Variants in EPS15L1 observed in about 807,000 individuals in gnomAD.
The protein encoded by EPS15L1 is epidermal growth factor receptor pathway substrate 15 like 1, also known as epidermal growth factor receptor substrate 15-like 1.
A neutral mutation model predicts 117.1 loss-of-function variants in EPS15L1; 43 were observed. The observed-to-expected ratio is 0.37, with a 90% CI of 0.29 to 0.47. The LOEUF (loss-of-function observed/expected upper bound fraction) is 0.47. Ranked by LOEUF, EPS15L1 falls within the 20% of genes least tolerant of loss-of-function variation. The pLI, the probability that EPS15L1 is intolerant of heterozygous loss-of-function variation, is 0.99. For synonymous variants in EPS15L1, 459 were observed against 470.5 expected (o/e 0.98, Z 0.32); for missense variants, 981 against 1,164.0 (o/e 0.84, Z 2.29).
At chr19:16,396,434 A>G (rs528309474) in intron 16 of EPS15L1, among the ~76,000 whole-genome samples, 1 of 152,058 alleles carries the variant, frequency 6.6e-6, no homozygotes, top group Non-Finnish European at 1.5e-5. Context: ...GCTAATTTTT[A>G]TATTTTTTGT....
rs144499989 is a variant in EPS15L1, at chr19:16,360,809, C to T, written c.2586+970G>A. ...CTGTGCACGGTAGAGATTATCAAGA[C>T]GGCTCAGAAACAAATCGGGTGCTTT... On this transcript the variant is annotated intron_variant, in intron 23 of 23. Coordinates refer to ENST00000455140, the MANE Select transcript of EPS15L1 (RefSeq NM_001258374.3). 2.2e-4 allele frequency among the ~76,000 whole-genome samples: 34 copies of T among 152,234 alleles called. No homozygotes were observed. In the East Asian group the frequency reaches 6.0e-3, roughly 27 times the overall value.
At chr19:16,368,697 T>C (rs1207181275) in intron 22 of EPS15L1, among the ~76,000 whole-genome samples, 1 of 148,016 alleles carries the variant, frequency 6.8e-6, no homozygotes, top group African/African-American at 2.5e-5. Flanking sequence ...TCACCCTACA[T>C]AACACAGACA....
intron 9 of EPS15L1, among the ~76,000 whole-genome samples, chr19:16,422,246 A>C (rs1017690): frequency 0.13 from 20,517 of 152,156 alleles, 1,443 homozygotes; most frequent in Non-Finnish European, 0.15. Context: ...TGGGTCAACC[A>C]GGGCCCGGTC....
At chr19:16,445,266 T>C (rs1200321276) in intron 1 of EPS15L1, among the ~76,000 whole-genome samples, 2 of 152,114 alleles carry the variant, frequency 1.3e-5, no homozygotes, top group Non-Finnish European at 2.9e-5. Context: ...TGCTAAAGGC[T>C]CATCCGGCTC....
In EPS15L1 at chr19:16,392,375, A is replaced by C; in HGVS notation, c.2032T>G (p.Phe678Val). Residue 678 changes from phenylalanine (F) to valine (V), a missense_variant, in exon 19 of 24, where the codon TTC (phenylalanine) becomes GTC (valine). Phe to Val is a conservative substitution (Grantham distance 50, BLOSUM62 -1). Transcript: ENST00000455140. ...GGGTCATTCTTTGTCTGTTTCTTGA[A>C]GAAGTCGTCAGTGGCAGAGCCACGG... ...PFRGSATDDF[F>V]KKQTKNDPFT... is the part of the protein sequence containing the mutation. The C allele has an allele frequency of 1.9e-6, 3 of 1,614,206 alleles. No individual in the cohort carries two copies. Among genetic ancestry groups the C allele is most frequent in the Non-Finnish European group, 2.5e-6 (3 of 1,180,006 alleles).
At position 16,404,856 on chromosome 19, in the gene EPS15L1, C is replaced by A; in HGVS notation, c.1267-107G>T. 8.2e-7 allele frequency: 1 copy of A among 1,223,096 alleles called. No homozygotes were observed. The highest frequency in any genetic ancestry group is 1.2e-6 in the Non-Finnish European group (1 of 860,994). 75.8% of individuals were successfully genotyped at this position (1,223,096 alleles called of 1,614,324 possible). ...AGTCCAGGGGAAGCCTCCGAAACCA[C>A]CCACTGTGACCGTGCTCAGGGCCAG... On this transcript the variant is annotated intron_variant, in intron 13 of 23. Coordinates refer to ENST00000455140, the MANE Select transcript of EPS15L1 (RefSeq NM_001258374.3). The surrounding 1 kb of genome is among the most constrained non-coding windows in gnomAD (Gnocchi z 4.2).
chr19:16,379,026 G>A (rs139185816), intron 21 of EPS15L1, among the ~76,000 whole-genome samples: 1,703 of 152,274 alleles, frequency 0.011, 15 homozygotes, highest in Non-Finnish European at 0.017. Flanking sequence ...GTTCCTGGCC[G>A]GGCGCACTGG....
intron 13 of EPS15L1, 159 bp downstream of exon 13, chr19:16,413,613 GA>G (rs376439335): frequency 0.014 from 8,347 of 607,334 alleles, no homozygotes; most frequent in East Asian, 0.016. Context: ...AATTCAGCCT[GA>G]AAAAAAAAAA....
intron 16 of EPS15L1, among the ~76,000 whole-genome samples, chr19:16,397,239 A>G (rs8103474): frequency 1 from 151,503 of 151,662 alleles, 75,673 homozygotes; most frequent in Middle Eastern, 1. Context: ...ACAGGCGTGC[A>G]CCACCATGCC....
rs2092650352 is a variant in EPS15L1 at position 16,405,797 on chromosome 19, G to C, written c.1267-1048C>G. 6.6e-6 allele frequency among the ~76,000 whole-genome samples: 1 copy of C among 152,370 alleles called. No homozygotes were observed. Among genetic ancestry groups the C allele is most frequent in the Middle Eastern group, 3.4e-3 (1 of 294 alleles). On this transcript the variant is annotated intron_variant, in intron 13 of 23. Coordinates refer to ENST00000455140, the MANE Select transcript of EPS15L1 (RefSeq NM_001258374.3). The surrounding 1 kb of genome is among the most constrained non-coding windows in gnomAD (Gnocchi z 4.0). ...CACCTCCGGGGATGGGGACACCCAA[G>C]AAGAGGGCAGAGGCTTCTCACCTCC... is the stretch of plus-strand genomic sequence containing the variant.
At position 16,434,468 on chromosome 19, in the gene EPS15L1, T is replaced by C. The variant is rs2092959648; in HGVS notation, c.395A>G (p.Asp132Gly). 2 of 1,613,950 alleles carry C rather than the reference T, an allele frequency of 1.2e-6. No individual in the cohort carries two copies. The highest frequency in any genetic ancestry group is 1.7e-6 in the Non-Finnish European group (2 of 1,179,962). Residue 132 changes from aspartate to glycine, a missense_variant, in exon 7 of 24, where the codon GAT becomes GGT. Asp to Gly is a moderately conservative substitution (Grantham distance 94). Around this residue, in one of 5 missense-constraint regions of EPS15L1, gnomAD observed 52 missense variants for 53.1 expected, o/e 0.98. Coordinates refer to ENST00000455140, the MANE Select transcript of EPS15L1 (RefSeq NM_001258374.3). ...GGGCAAGAGGCTTTCAAAAATCCCATCAAATTTGGCCTTTTCTTCCACCTA... is the reference window on the plus strand; with the variant it reads ...GGGCAAGAGGCTTTCAAAAATCCCACCAAATTTGGCCTTTTCTTCCACCTA... ...AVRVEEKAKF[D>G]GIFESLLPIN...
rs1045965774 is a variant in EPS15L1, at chr19:16,471,787, G to A, written c.33+126C>T. 4 of 179,760 alleles carry A rather than the reference G, an allele frequency of 2.2e-5. No homozygotes were observed. Among genetic ancestry groups the A allele is most frequent in the Non-Finnish European group, 4.5e-5 (4 of 88,474 alleles). 11.1% of individuals were successfully genotyped at this position (179,760 alleles called of 1,614,324 possible). On this transcript the variant is annotated intron_variant, in intron 1 of 23. Coordinates refer to ENST00000455140, the MANE Select transcript of EPS15L1 (RefSeq NM_001258374.3). This position sits in a 1 kb window ranked among gnomAD's most constrained non-coding sequence, Gnocchi z 4.8. ...AGGGCCGCCTGCCCACCCGCCCGCC[G>A]CAAGCCCTTCAGCACGCGCCGCCCC... is the stretch of plus-strand genomic sequence containing the variant.
intron 7 of EPS15L1, among the ~76,000 whole-genome samples, chr19:16,430,265 T>C (rs553990039): frequency 3.9e-4 from 60 of 152,186 alleles, no homozygotes; most frequent in African/African-American, 1.4e-3. Flanking sequence ...GGCCAAACTG[T>C]GATTATCAGG....
At chr19:16,425,674 G>A (rs560984903) in intron 8 of EPS15L1, among the ~76,000 whole-genome samples, 2 of 152,244 alleles carry the variant, frequency 1.3e-5, no homozygotes, top group South Asian at 2.1e-4. Flanking sequence ...ACTTCAAGAC[G>A]TTCAGGAGTA....
chr19:16,384,865 CGTCT>C (rs954805126), intron 21 of EPS15L1, among the ~76,000 whole-genome samples: 2 of 152,184 alleles, frequency 1.3e-5, no homozygotes, highest in African/African-American at 2.4e-5. Context: ...ATGACTTCAC[CGTCT>C]GAGACCTGAT....
At chr19:16,466,392 G>A (rs147775088) in intron 1 of EPS15L1, among the ~76,000 whole-genome samples, 4,923 of 152,116 alleles carry the variant, frequency 0.032, 108 homozygotes, top group Non-Finnish European at 0.049. Flanking sequence ...TCATCAGATC[G>A]GAACCTGCCC....
At chr19:16,447,552 G>A (rs1057372320) in intron 1 of EPS15L1, among the ~76,000 whole-genome samples, 2 of 152,078 alleles carry the variant, frequency 1.3e-5, no homozygotes, top group Non-Finnish European at 2.9e-5. Context: ...CTGAGGTCAG[G>A]AGTTCAAGAC....
At chr19:16,380,426 C>T (rs73509160) in intron 21 of EPS15L1, among the ~76,000 whole-genome samples, 127 of 152,218 alleles carry the variant, frequency 8.3e-4, no homozygotes, top group African/African-American at 2.9e-3. Flanking sequence ...AGGCTTCTAG[C>T]GTTTACTCAT....
At chr19:16,467,355 G>A (rs2093314206) in intron 1 of EPS15L1, among the ~76,000 whole-genome samples, 1 of 151,904 alleles carries the variant, frequency 6.6e-6, no homozygotes, top group African/African-American at 2.4e-5. Context: ...TCACCATGTT[G>A]GCCAGGCTGG....
Sources: allele counts gnomAD v4.1 joint callset (sites outside exome capture counted in the v4.1 genomes callset), GRCh38; gene constraint gnomAD v4.1.1; regional missense constraint gnomAD v4.1.1; non-coding constraint Gnocchi (gnomAD v3.1); transcripts MANE v1.5; gene names NCBI Gene and HGNC (gene_info 2026-07-23, HGNC 2026-07-21).